The following TRIM2 variants were observed in gnomAD, a reference collection of about 807,000 sequenced individuals.
TRIM2 encodes tripartite motif containing 2, also known as tripartite motif-containing protein 2.
Under a neutral mutation model 75.2 loss-of-function variants are expected in TRIM2, and 20 were observed. The observed-to-expected ratio is 0.27, with a 90% CI of 0.19 to 0.39. The LOEUF is 0.39. Ranked by LOEUF, TRIM2 falls within the 10% of genes least tolerant of loss-of-function variation. The probability of loss-of-function intolerance (pLI) is 1.00; values close to 1 mark genes in which losing one functional copy is unlikely to be tolerated. For missense variants in TRIM2, 660 were observed against 990.8 expected (o/e 0.67, Z 4.48); for synonymous variants, 373 against 388.3 (o/e 0.96, Z 0.46).
chr4:153,336,143 C>T lies in TRIM2; in HGVS notation c.*1177C>T, dbSNP rs959745298. 3.6e-5 allele frequency: 35 copies of T among 978,560 alleles called. No homozygotes were observed. The highest frequency in any genetic ancestry group is 7.0e-5 in the African/African-American group (4 of 56,758). The allele number at this position is 978,560 out of a possible 1,614,324, so 60.6% of individuals were successfully genotyped here. ...ATATATATATATATATACACACACA[C>T]ATATATATAGCTGAATCTTTGGTGT... is the stretch of plus-strand genomic sequence containing the variant. On this transcript the variant is annotated 3_prime_UTR_variant, in exon 12 of 12. Transcript: ENST00000338700.
chr4:153,322,512 G>A (rs1488411917), intron 8 of TRIM2, 136 bp from the exon 9 acceptor site: 1 of 830,614 alleles, frequency 1.2e-6, no homozygotes, highest in East Asian at 2.8e-5. Context: ...GAAGTTCATT[G>A]TGATATATGA....
chr4:153,185,028 A>G (rs1732452042), intron 1 of TRIM2, among the ~76,000 whole-genome samples: 1 of 152,176 alleles, frequency 6.6e-6, no homozygotes, highest in Non-Finnish European at 1.5e-5. Context: ...ATTTCCAGAT[A>G]CCGTTTTCTA....
intron 3 of TRIM2, among the ~76,000 whole-genome samples, chr4:153,280,949 G>A (rs553369057): frequency 6.6e-6 from 1 of 152,276 alleles, no homozygotes; most frequent in African/African-American, 2.4e-5. Flanking sequence ...CTCCCAAAGT[G>A]CTGGGATTAC....
At chr4:153,330,643 A>G (rs546913060) in intron 11 of TRIM2, among the ~76,000 whole-genome samples, 2 of 152,344 alleles carry the variant, frequency 1.3e-5, no homozygotes, top group Non-Finnish European at 2.9e-5. Context: ...ATATCAATTG[A>G]CACTGAAAAA....
At chr4:153,276,312 T>C (rs1435760414) in intron 3 of TRIM2, 182 bp downstream of exon 3, 2 of 606,980 alleles carry the variant, frequency 3.3e-6, no homozygotes, top group Admixed American at 2.9e-5. Context: ...ACTATTTAAA[T>C]AACGAAATCA....
chr4:153,274,531 T>C (rs183133762), intron 2 of TRIM2, among the ~76,000 whole-genome samples: 4 of 152,230 alleles, frequency 2.6e-5, no homozygotes, highest in African/African-American at 9.6e-5. Flanking sequence ...ACAGGTCAGT[T>C]AATGAGGCTC....
At chr4:153,271,919 A>G (rs1030079086) in intron 2 of TRIM2, among the ~76,000 whole-genome samples, 2 of 152,086 alleles carry the variant, frequency 1.3e-5, no homozygotes, top group Non-Finnish European at 2.9e-5. Flanking sequence ...CAGCCTATCT[A>G]TTGTTTGGGT....
Position 153,335,218 on chromosome 4 carries a change from T to G in TRIM2, c.*252T>G. On this transcript the variant is annotated 3_prime_UTR_variant, in exon 12 of 12. Coordinates refer to ENST00000338700, the MANE Select transcript of TRIM2 (RefSeq NM_015271.5). Reference sequence around the variant, plus strand: ...CAGTTTTACATCTGTGAACTATGGCTTAAGGGACAGGATTTATGTAGCTAA... The same window carrying G: ...CAGTTTTACATCTGTGAACTATGGCGTAAGGGACAGGATTTATGTAGCTAA... The G allele has an allele frequency of 8.6e-7, 1 of 1,169,292 alleles. No individual in the cohort carries two copies. The allele number at this position is 1,169,292 out of a possible 1,614,324, so 72.4% of individuals were successfully genotyped here.
At chr4:153,322,845 CTT>C in intron 9 of TRIM2, 29 bp downstream of exon 9, 1 of 1,612,210 alleles carries the variant, frequency 6.2e-7, no homozygotes, top group Non-Finnish European at 8.5e-7. Flanking sequence ...TGTAAACCCC[CTT>C]TTTTATGCTT....
At chr4:153,330,909 A>T (rs1466347679) in intron 11 of TRIM2, among the ~76,000 whole-genome samples, 1 of 152,222 alleles carries the variant, frequency 6.6e-6, no homozygotes, top group Non-Finnish European at 1.5e-5. Context: ...GAAGAAATTA[A>T]CCACTCTCCC....
At chr4:153,293,516 G>T (rs995767454) in intron 4 of TRIM2, among the ~76,000 whole-genome samples, 2 of 152,172 alleles carry the variant, frequency 1.3e-5, no homozygotes, top group Non-Finnish European at 2.9e-5. Context: ...GCTGTGATTG[G>T]CTCCTTTCTG....
intron 3 of TRIM2, among the ~76,000 whole-genome samples, chr4:153,276,595 T>C (rs373992467): frequency 1.6e-4 from 25 of 152,244 alleles, no homozygotes; most frequent in African/African-American, 5.8e-4. Flanking sequence ...TAGTAGATTA[T>C]AGATTATGAA....
At chr4:153,200,724 A>AAATAT (rs1405991305), upstream of TRIM2, among the ~76,000 whole-genome samples, 58 of 138,122 alleles carry the variant, frequency 4.2e-4, 1 homozygote, top group African/African-American at 1.4e-3. Flanking sequence ...AAGAAAAAAA[A>AAATAT]ATATATATAT....
chr4:153,216,778 G>T (rs528506931), intron 1 of TRIM2, among the ~76,000 whole-genome samples: 57 of 152,334 alleles, frequency 3.7e-4, no homozygotes, highest in Non-Finnish European at 6.3e-4. Context: ...TTTACATTGT[G>T]AAGGGGATGG....
Position 153,270,369 on chromosome 4 carries a change from C to G in TRIM2, c.65C>G (p.Pro22Arg). Residue 22 changes from proline (P) to arginine (R), a missense_variant, in exon 2 of 12, where the codon CCA becomes CGA. Physicochemically the swap from Pro to Arg is moderately radical, Grantham distance 103. Transcript: ENST00000338700. The part of the protein sequence containing the change: ...QRAGSKTAGP[P>R]CQWSRMASEG... ...GCAGGGTCAAAGACAGCCGGCCCCC[C>G]ATGTCAGTGGTCTAGGATGGCCAGT... 1 of 1,613,562 alleles carries G rather than the reference C, an allele frequency of 6.2e-7. No homozygotes were observed. Among genetic ancestry groups the G allele is most frequent in the South Asian group, 1.1e-5 (1 of 90,888 alleles).
chr4:153,243,793 T>C (rs1260752288), intron 1 of TRIM2, among the ~76,000 whole-genome samples: 1 of 148,112 alleles, frequency 6.8e-6, no homozygotes, highest in Non-Finnish European at 1.5e-5. Context: ...TTATTCTCCT[T>C]CCTCCTCCCC....
At chr4:153,256,798 A>C (rs1486850027) in intron 1 of TRIM2, among the ~76,000 whole-genome samples, 4 of 152,330 alleles carry the variant, frequency 2.6e-5, no homozygotes, top group Non-Finnish European at 5.9e-5. Context: ...AACCACAAAA[A>C]GCAAAGAAAT....
chr4:153,285,040 CCT>C (rs563152282), intron 3 of TRIM2, among the ~76,000 whole-genome samples: 101 of 152,154 alleles, frequency 6.6e-4, no homozygotes, highest in African/African-American at 2.1e-3. Context: ...AAAATTCACC[CCT>C]GTTTCCTTCT....
At chr4:153,162,223 T>C (rs1457663197) in intron 1 of TRIM2, among the ~76,000 whole-genome samples, 1 of 152,192 alleles carries the variant, frequency 6.6e-6, no homozygotes, top group Non-Finnish European at 1.5e-5. Flanking sequence ...GTGGGAAATA[T>C]ATACATATAG....
Sources: gnomAD v4.1 joint callset for allele counts (sites outside exome capture counted in the v4.1 genomes callset) on GRCh38, gnomAD v4.1.1 for gene constraint, MANE v1.5 for transcripts, NCBI Gene and HGNC (gene_info 2026-07-23, HGNC 2026-07-21) for gene names.